The following ANKFN1 variants were observed in gnomAD, a reference collection of about 807,000 sequenced individuals.
ANKFN1 encodes ankyrin repeat and fibronectin type-III domain-containing protein 1.
ANKFN1 carries 74 observed loss-of-function variants against 108.7 expected under a neutral mutation model. The ratio of observed to expected loss-of-function variants is 0.68; its 90% confidence interval spans 0.56 to 0.83. The LOEUF is 0.83. Among genes scored for constraint, ANKFN1 ranks in the 40% least tolerant of loss-of-function variants. The pLI is 0.00. For missense variants in ANKFN1, 1,505 were observed against 1,382.3 expected (o/e 1.09, Z -1.41); for synonymous variants, 547 against 516.2 (o/e 1.06, Z -0.81).
chr17:56,244,848 G>T lies in ANKFN1; in HGVS notation c.53+16891G>T, dbSNP rs567105849. Among the ~76,000 whole-genome samples the T allele has an allele frequency of 1.3e-4, 20 of 152,188 alleles. No individual in the cohort carries two copies. In the South Asian group the frequency reaches 3.7e-3, roughly 28 times the overall value. On this transcript the variant is annotated intron_variant, in intron 3 of 20. Coordinates refer to ENST00000682825, the MANE Select transcript of ANKFN1 (RefSeq NM_001370326.1). ...TTAAGCCACCGCTTTGTGTTTGGAA[G>T]GGTTTAATTTAGACAAGTATCACTC... is the stretch of plus-strand genomic sequence containing the variant.
At position 56,449,118 on chromosome 17, in the gene ANKFN1, G is replaced by A. The variant is rs1412147992; in HGVS notation, c.1139G>A (p.Gly380Glu). The part of the protein sequence containing the change: ...DYDDREPRHK[G>E]QSEVLEGLLQ... ...GACGACAGAGAGCCCAGACACAAGG[G>A]ACAGAGTGAAGTTTTGGAAGGTCTG... The change falls in exon 11 of 21, where the codon GGA becomes GAA. Residue 380 changes from glycine (G) to glutamate (E), a missense_variant. Coordinates refer to ENST00000682825, the MANE Select transcript of ANKFN1 (RefSeq NM_001370326.1). 7 of 1,613,560 alleles carry A rather than the reference G, an allele frequency of 4.3e-6. No homozygotes were observed. The South Asian group carries it at 7.7e-5, about 18-fold the overall frequency.
chr17:56,116,490 G>A (rs116568244), intron 4 of ANKFN1, among the ~76,000 whole-genome samples: 1,642 of 152,220 alleles, frequency 0.011, 26 homozygotes, highest in African/African-American at 0.037. Flanking sequence ...GATCCCTCAT[G>A]TCTGGCTTGA....
rs1488162653 is a variant in ANKFN1 at position 56,511,806 on chromosome 17, G to A, written c.*537G>A. ...CTTGGTTCCCTGTCAGCTAAACTAGGTCATTCCAAAGTGCAGAATTCTCAG... is the reference window on the plus strand; with the variant it reads ...CTTGGTTCCCTGTCAGCTAAACTAGATCATTCCAAAGTGCAGAATTCTCAG... On this transcript the variant is annotated 3_prime_UTR_variant, in exon 21 of 21. Transcript: ENST00000682825. 1 of 153,746 alleles carries A rather than the reference G, an allele frequency of 6.5e-6. No individual in the cohort carries two copies. The highest frequency in any genetic ancestry group is 1.4e-5 in the Non-Finnish European group (1 of 69,276). The allele number at this position is 153,746 out of a possible 1,614,324, so 9.5% of individuals were successfully genotyped here. A position where few individuals can be genotyped will look rare whatever the true frequency, so the allele number is the denominator to read the frequency against.
At chr17:56,371,756 G>A in intron 6 of ANKFN1, among the ~76,000 whole-genome samples, 1 of 152,152 alleles carries the variant, frequency 6.6e-6, no homozygotes, top group Non-Finnish European at 1.5e-5. Flanking sequence ...ATCATAAGAG[G>A]CAGCCTCACT....
intron 1 of ANKFN1, among the ~76,000 whole-genome samples, chr17:56,196,458 G>T (rs560823668): frequency 1.2e-4 from 18 of 152,256 alleles, no homozygotes. Flanking sequence ...AAAGGGCCAG[G>T]CGTGGTGGCT....
intron 4 of ANKFN1, among the ~76,000 whole-genome samples, chr17:56,054,788 AG>A (rs1904837326): frequency 6.6e-6 from 1 of 152,148 alleles, no homozygotes; most frequent in African/African-American, 2.4e-5. Context: ...CAGGAGGCTG[AG>A]GTGGGAGGAT....
intron 8 of ANKFN1, among the ~76,000 whole-genome samples, chr17:56,397,854 G>A (rs1043919209): frequency 3.3e-5 from 5 of 152,128 alleles, no homozygotes; most frequent in East Asian, 1.9e-4. Flanking sequence ...GTCATATCTC[G>A]TCTTTAAACC....
intron 4 of ANKFN1, among the ~76,000 whole-genome samples, chr17:56,062,086 G>A (rs182866193): frequency 8.5e-5 from 13 of 152,278 alleles, no homozygotes; most frequent in African/African-American, 2.6e-4. Context: ...TTGCAGTGTG[G>A]CCTGAGAGAC....
intron 15 of ANKFN1, among the ~76,000 whole-genome samples, chr17:56,470,135 T>C (rs561702561): frequency 6.6e-6 from 1 of 152,356 alleles, no homozygotes; most frequent in African/African-American, 2.4e-5. Flanking sequence ...TTCTTATGGC[T>C]GCATAGTATT....
chr17:56,348,312 C>A (rs1450794530), intron 4 of ANKFN1, among the ~76,000 whole-genome samples: 1 of 152,026 alleles, frequency 6.6e-6, no homozygotes, highest in Non-Finnish European at 1.5e-5. Flanking sequence ...TAAATATGTC[C>A]ATTTAGCTAA....
At chr17:56,237,666 C>A (rs1168958086) in intron 3 of ANKFN1, among the ~76,000 whole-genome samples, 1 of 151,888 alleles carries the variant, frequency 6.6e-6, no homozygotes, top group Admixed American at 6.6e-5. Context: ...TTTGGATCTT[C>A]TCTCTTTTCT....
intron 4 of ANKFN1, among the ~76,000 whole-genome samples, chr17:56,112,619 A>G (rs1444775526): frequency 6.6e-6 from 1 of 152,200 alleles, no homozygotes; most frequent in Non-Finnish European, 1.5e-5. Context: ...GAGATTATAT[A>G]TGAAAATAAA....
At chr17:56,493,403 CA>C (rs1418211804) in intron 19 of ANKFN1, among the ~76,000 whole-genome samples, 4 of 152,034 alleles carry the variant, frequency 2.6e-5, no homozygotes, top group Non-Finnish European at 4.4e-5. Context: ...TAAGGTGAAA[CA>C]GAATGTAGAG....
Position 56,480,686 on chromosome 17 carries a change from C to T in ANKFN1, c.1959C>T (p.Ile653=). Residue 653 remains isoleucine, a synonymous_variant, in exon 17 of 21, where the codon ATC becomes ATT. Transcript: ENST00000682825. ...NNISREEWEW[I]QKLSGSESME... The stretch of plus-strand genomic sequence containing the variant: ...CATACAGAGAGGAATGGGAATGGAT[C>T]CAAAAGCTTTCTGGCTCTGAATCTA... The T allele has an allele frequency of 6.2e-7, 1 of 1,613,856 alleles. No individual in the cohort carries two copies. Among genetic ancestry groups the T allele is most frequent in the Non-Finnish European group, 8.5e-7 (1 of 1,179,878 alleles).
chr17:56,309,825 G>A (rs190362138), intron 3 of ANKFN1, among the ~76,000 whole-genome samples: 47 of 152,290 alleles, frequency 3.1e-4, no homozygotes, highest in Middle Eastern at 3.4e-3. Context: ...TAAAAGTTAT[G>A]TAAATGTGTT....
chr17:56,113,378 A>C (rs1906083177), intron 4 of ANKFN1, among the ~76,000 whole-genome samples: 1 of 152,234 alleles, frequency 6.6e-6, no homozygotes, highest in African/African-American at 2.4e-5. Flanking sequence ...TGCACAATGA[A>C]AAGGAGCCCC....
chr17:56,356,281 C>A (rs1424055087), intron 6 of ANKFN1, among the ~76,000 whole-genome samples: 1 of 152,144 alleles, frequency 6.6e-6, no homozygotes, highest in East Asian at 1.9e-4. Context: ...TTAGTGAAAA[C>A]TCTCTGACCC....
intron 3 of ANKFN1, among the ~76,000 whole-genome samples, chr17:56,258,756 A>G (rs532787808): frequency 7.2e-4 from 109 of 152,042 alleles, no homozygotes; most frequent in African/African-American, 2.5e-3. Flanking sequence ...AAAAATACCA[A>G]AAAAATTAGC....
chr17:56,099,114 T>C (rs968336617), intron 4 of ANKFN1, among the ~76,000 whole-genome samples: 1 of 152,158 alleles, frequency 6.6e-6, no homozygotes, highest in Admixed American at 6.5e-5. Context: ...TATTTTTCTG[T>C]GCACCAATTT....
Sources: allele counts gnomAD v4.1 joint callset (sites outside exome capture counted in the v4.1 genomes callset), GRCh38; gene constraint gnomAD v4.1.1; transcripts MANE v1.5; gene names NCBI Gene and HGNC (gene_info 2026-07-23, HGNC 2026-07-21).